Variants in GCH1 observed in about 807,000 individuals in gnomAD.
The protein encoded by GCH1 is GTP cyclohydrolase I.
Under a neutral mutation model 25.9 loss-of-function variants are expected in GCH1, and 5 were observed. That is an observed-to-expected ratio of 0.19 (90% CI 0.10 to 0.41). GCH1 has a LOEUF of 0.41. GCH1 is among the 10% of genes least tolerant of loss of function. GCH1 has a pLI of 1.00. For missense variants in GCH1, 261 were observed against 336.5 expected (o/e 0.78, Z 1.75); for synonymous variants, 159 against 129.6 (o/e 1.23, Z -1.54).
At chr14:54,879,871 G>A (rs1241606581) in intron 1 of GCH1, among the ~76,000 whole-genome samples, 1 of 151,198 alleles carries the variant, frequency 6.6e-6, no homozygotes, top group Non-Finnish European at 1.5e-5. Flanking sequence ...TGTAATCCCA[G>A]GTACTCAGGA....
chr14:54,843,533 G>A lies in GCH1; in HGVS notation c.*484C>T, dbSNP rs2039591837. The A allele has an allele frequency of 1.5e-6, 2 of 1,337,426 alleles. No homozygotes were observed. The highest frequency in any genetic ancestry group is 2.8e-4 in the Middle Eastern group (1 of 3,512). The allele number at this position is 1,337,426 out of a possible 1,614,324, so 82.8% of individuals were successfully genotyped here. A position where few individuals can be genotyped will look rare whatever the true frequency, so the allele number is the denominator to read the frequency against. On this transcript the variant is annotated 3_prime_UTR_variant, in exon 6 of 6. Coordinates refer to ENST00000491895, the MANE Select transcript of GCH1 (RefSeq NM_000161.3). The stretch of plus-strand genomic sequence containing the variant: ...ATGTCACTGGTGGTTTAATAAACAT[G>A]ACCAAAGTGAAGTCTGTTGAACTTG...
Position 54,880,452 on chromosome 14 carries a change from TAA to T in GCH1, c.344-15018_344-15017del, listed in dbSNP as rs1491143312. 7.6e-5 allele frequency among the ~76,000 whole-genome samples: 9 copies of T among 118,112 alleles called. 1 individual carries two copies. In the South Asian group the frequency reaches 1.9e-3, roughly 24 times the overall value. 77.5% of individuals were successfully genotyped at this position (118,112 alleles called of 152,430 possible). On this transcript the variant is annotated intron_variant, in intron 1 of 5. Transcript: ENST00000491895. ...ACTCCATATATATATATACTCCATA[TAA>T]ATATATACTCCATATATATATATAC...
rs995386735 is a variant in GCH1 at position 54,842,959 on chromosome 14, C to T, written c.*1058G>A. On this transcript the variant is annotated 3_prime_UTR_variant, in exon 6 of 6. Coordinates refer to ENST00000491895, the MANE Select transcript of GCH1 (RefSeq NM_000161.3). ...ATTTTCACAGATCGTTGGTACGATA[C>T]GCTTTGGTTAAAACGTTGGACACAG... The T allele has an allele frequency of 5.3e-5, 38 of 717,122 alleles. No homozygotes were observed. The highest frequency in any genetic ancestry group is 5.0e-4 in the East Asian group (20 of 39,620). The allele number at this position is 717,122 out of a possible 1,614,324, so 44.4% of individuals were successfully genotyped here. A position where few individuals can be genotyped will look rare whatever the true frequency, so the allele number is the denominator to read the frequency against.
chr14:54,891,698 T>C lies in GCH1; in HGVS notation c.343+10623A>G, dbSNP rs115822461. Among the ~76,000 whole-genome samples, 1,441 of 152,264 alleles carry C rather than the reference T, an allele frequency of 9.5e-3. 28 individuals carry two copies. Among genetic ancestry groups the C allele is most frequent in the African/African-American group, 0.033 (1,354 of 41,554 alleles). On this transcript the variant is annotated intron_variant, in intron 1 of 5. Transcript: ENST00000491895. ...GTGCTGGAACTGCAGGCATGAGCCA[T>C]CGCATCCAGCCAACAATTCATAAGT...
intron 1 of GCH1, among the ~76,000 whole-genome samples, 190 bp downstream of exon 1, chr14:54,902,131 A>C (rs1008919294): frequency 2.6e-5 from 4 of 152,142 alleles, no homozygotes; most frequent in African/African-American, 9.7e-5. Flanking sequence ...GCTGCCACCC[A>C]GGAAGCCCCG....
At chr14:54,896,786 A>G (rs1303587500) in intron 1 of GCH1, among the ~76,000 whole-genome samples, 33 of 151,226 alleles carry the variant, frequency 2.2e-4, no homozygotes, top group Non-Finnish European at 3.5e-4. Flanking sequence ...CGGGTGTGGT[A>G]GCGGGCGCCT....
rs988120654 is a variant in GCH1 at position 54,870,491 on chromosome 14, C to T, written c.344-5055G>A. 5.9e-5 allele frequency among the ~76,000 whole-genome samples: 9 copies of T among 152,052 alleles called. No homozygotes were observed. The East Asian group carries it at 1.2e-3, about 20-fold the overall frequency. ...TCGGGTTCATCTCACTGGGGAGTGT[C>T]GGACAGTGGGTGCAGGACAGGGGGT... On this transcript the variant is annotated intron_variant, in intron 1 of 5. Transcript: ENST00000491895.
intron 1 of GCH1, chr14:54,885,705 A>G (rs2040342217): frequency 4.9e-6 from 1 of 205,862 alleles, no homozygotes; most frequent in Non-Finnish European, 9.9e-6. Context: ...CCTGGCCAAC[A>G]TGGCGAAACC....
chr14:54,883,304 G>A (rs141794450), intron 1 of GCH1, among the ~76,000 whole-genome samples: 11 of 149,700 alleles, frequency 7.3e-5, no homozygotes, highest in Non-Finnish European at 1.6e-4. Context: ...CCCGAGAAGC[G>A]GAGTTTGCAA....
chr14:54,845,686 C>T (rs760185531), intron 5 of GCH1, 82 bp downstream of exon 5: 9 of 822,132 alleles, frequency 1.1e-5, no homozygotes, highest in African/African-American at 6.7e-5. Flanking sequence ...TCACCTGGTG[C>T]TACAAAATAT....
At position 54,853,931 on chromosome 14, in the gene GCH1, A is replaced by C. The variant is rs181416325; in HGVS notation, c.509+5750T>G. Among the ~76,000 whole-genome samples, 4 of 152,266 alleles carry C rather than the reference A, an allele frequency of 2.6e-5. No individual in the cohort carries two copies. The East Asian group carries it at 7.7e-4, about 29-fold the overall frequency. Reference sequence around the variant, plus strand: ...TCCAGGCACTTTCCCCCAAATCATTAATTTGACCTTTTCTAATGGTTATTA... The same window carrying C: ...TCCAGGCACTTTCCCCCAAATCATTCATTTGACCTTTTCTAATGGTTATTA... On this transcript the variant is annotated intron_variant, in intron 3 of 5. Transcript: ENST00000491895.
At chr14:54,867,809 T>TG (rs1255244470) in intron 1 of GCH1, among the ~76,000 whole-genome samples, 1 of 152,078 alleles carries the variant, frequency 6.6e-6, no homozygotes, top group Non-Finnish European at 1.5e-5. Flanking sequence ...ACAATTAAGA[T>TG]TGAGGGAGCT....
Position 54,902,655 on chromosome 14 carries a change from CT to C in GCH1, c.8del (p.Lys3ArgfsTer64). Reference sequence around the variant, plus strand: ...TCTCCGCCGGTGCCCGCACAGGGCCCTTCTCCATGGACCCGCCGCAGCCGCT... The same window carrying C: ...TCTCCGCCGGTGCCCGCACAGGGCCCTCTCCATGGACCCGCCGCAGCCGCT... ME[K>X]GPVRAPAEKP... On this transcript the variant is annotated frameshift_variant, in exon 1 of 6. Transcript: ENST00000491895. LOFTEE classifies it high-confidence loss of function. 1 of 1,472,848 alleles carries C rather than the reference CT, an allele frequency of 6.8e-7. No homozygotes were observed. Among genetic ancestry groups the C allele is most frequent in the Non-Finnish European group, 9.0e-7 (1 of 1,116,820 alleles). The allele number at this position is 1,472,848 out of a possible 1,614,324, so 91.2% of individuals were successfully genotyped here.
chr14:54,860,007 C>A (rs964460394), intron 2 of GCH1, among the ~76,000 whole-genome samples: 2 of 152,022 alleles, frequency 1.3e-5, no homozygotes, highest in South Asian at 2.1e-4. Flanking sequence ...TTGGTAAATG[C>A]GGGAGATTGC....
intron 1 of GCH1, among the ~76,000 whole-genome samples, chr14:54,878,548 C>T (rs1476795117): frequency 6.6e-6 from 1 of 152,160 alleles, no homozygotes; most frequent in Non-Finnish European, 1.5e-5. Flanking sequence ...GCTACCTCCA[C>T]CAGCATACAG....
In GCH1 at chr14:54,843,391, T is replaced by A; in HGVS notation, c.*626A>T. 1 of 1,236,102 alleles carries A rather than the reference T, an allele frequency of 8.1e-7. No homozygotes were observed. Among genetic ancestry groups the A allele is most frequent in the African/African-American group, 1.5e-5 (1 of 64,650 alleles). 76.6% of individuals were successfully genotyped at this position (1,236,102 alleles called of 1,614,324 possible). A position where few individuals can be genotyped will look rare whatever the true frequency, so the allele number is the denominator to read the frequency against. ...GGAACTAATTCCCTATTCTTGAATT[T>A]AAAAACAATAGAAGGTAGAAATGTG... is the stretch of plus-strand genomic sequence containing the variant. On this transcript the variant is annotated 3_prime_UTR_variant, in exon 6 of 6. Coordinates refer to ENST00000491895, the MANE Select transcript of GCH1 (RefSeq NM_000161.3).
chr14:54,890,189 AAT>A (rs1479777664), intron 1 of GCH1, among the ~76,000 whole-genome samples: 1 of 152,206 alleles, frequency 6.6e-6, no homozygotes, highest in African/African-American at 2.4e-5. Context: ...CACGAGAAAG[AAT>A]AATTGCAGAT....
intron 1 of GCH1, among the ~76,000 whole-genome samples, chr14:54,873,475 G>A (rs1594998788): frequency 6.6e-6 from 1 of 152,018 alleles, no homozygotes; most frequent in Non-Finnish European, 1.5e-5. Flanking sequence ...GCTAGCAGAA[G>A]GCAAGAAATA....
chr14:54,850,765 G>T (rs1218812159), intron 3 of GCH1, among the ~76,000 whole-genome samples: 1 of 152,174 alleles, frequency 6.6e-6, no homozygotes, highest in Non-Finnish European at 1.5e-5. Flanking sequence ...TGCTCAGAAT[G>T]ATGGTTTCCA....
Sources: allele counts gnomAD v4.1 joint callset (sites outside exome capture counted in the v4.1 genomes callset), GRCh38; gene constraint gnomAD v4.1.1; transcripts MANE v1.5; gene names NCBI Gene and HGNC (gene_info 2026-07-23, HGNC 2026-07-21).